The following WRN variants were observed in gnomAD, a reference collection of about 807,000 sequenced individuals.
WRN encodes WRN RecQ like helicase, also known as bifunctional 3'-5' exonuclease/ATP-dependent helicase WRN.
WRN carries 149 observed loss-of-function variants against 180.7 expected under a neutral mutation model. The ratio of observed to expected loss-of-function variants is 0.82; its 90% CI spans 0.72 to 0.94. WRN has a LOEUF of 0.94. Among genes scored for constraint, WRN ranks in the 40% least tolerant of loss-of-function variants. The pLI is 0.00. For missense variants in WRN, 1,661 were observed against 1,700.1 expected (o/e 0.98, Z 0.40); for synonymous variants, 548 against 568.9 (o/e 0.96, Z 0.52).
chr8:31,093,391 G>T (rs1393722592), intron 16 of WRN, among the ~76,000 whole-genome samples: 2 of 152,038 alleles, frequency 1.3e-5, no homozygotes, highest in African/African-American at 4.8e-5. Context: ...GTGAACCACC[G>T]CACCTGATGC....
chr8:31,085,146 C>T lies in WRN; in HGVS notation c.1351-20C>T. 1 of 1,610,494 alleles carries T rather than the reference C, an allele frequency of 6.2e-7. No homozygotes were observed. On this transcript the variant is annotated intron_variant, in intron 10 of 34. Transcript: ENST00000298139. ...AAGTCAATTATATTGGAAATTAATG[C>T]TTAATACTTTTTTTTAAAGCATTTA...
intron 7 of WRN, among the ~76,000 whole-genome samples, chr8:31,074,147 G>A (rs900814884): frequency 4.0e-5 from 6 of 150,816 alleles, no homozygotes; most frequent in Non-Finnish European, 8.9e-5. Context: ...GGTTGGTCTC[G>A]ATCTCCTGAC....
intron 18 of WRN, among the ~76,000 whole-genome samples, chr8:31,101,585 G>A (rs1800859405): frequency 6.6e-6 from 1 of 151,794 alleles, no homozygotes; most frequent in South Asian, 2.1e-4. Context: ...TCAGGAGTTC[G>A]AGACCAGCCT....
chr8:31,174,788 T>TCCCTCC lies in WRN; in HGVS notation c.*1690_*1691insCCCCCT, dbSNP rs1804216525. Among the ~76,000 whole-genome samples the TCCCTCC allele has an allele frequency of 3.1e-5, 2 of 65,570 alleles. No individual in the cohort carries two copies. Among genetic ancestry groups the TCCCTCC allele is most frequent in the African/African-American group, 9.0e-5 (2 of 22,264 alleles). The allele number at this position is 65,570 out of a possible 152,430, so 43.0% of individuals were successfully genotyped here. On this transcript the variant is annotated 3_prime_UTR_variant, in exon 35 of 35. Transcript: ENST00000298139. ...TCTTTCTCTCTTTCCTTCCTTCCCT[T>TCCCTCC]CCCTTCCCCTTCCTTCCTTCCTTCC...
chr8:31,077,522 G>A (rs574241739), intron 8 of WRN, among the ~76,000 whole-genome samples: 6 of 152,154 alleles, frequency 3.9e-5, no homozygotes, highest in Admixed American at 3.3e-4. Flanking sequence ...GATTACAGGC[G>A]TTAGCCACCG....
At chr8:31,163,509 C>T (rs1803718040) in intron 33 of WRN, among the ~76,000 whole-genome samples, 1 of 151,360 alleles carries the variant, frequency 6.6e-6, no homozygotes, top group African/African-American at 2.5e-5. Flanking sequence ...TAAAGTTGTA[C>T]TGCCAATTAA....
At chr8:31,098,427 C>A (rs182691404) in intron 17 of WRN, among the ~76,000 whole-genome samples, 36 of 152,018 alleles carry the variant, frequency 2.4e-4, no homozygotes, top group South Asian at 4.1e-4. Flanking sequence ...GTAGTTAGAA[C>A]TCTCTATTTT....
intron 5 of WRN, among the ~76,000 whole-genome samples, chr8:31,066,199 T>G (rs902416577): frequency 3.3e-5 from 5 of 151,670 alleles, no homozygotes; most frequent in South Asian, 2.1e-4. Flanking sequence ...TCTTTTTTTC[T>G]TTTTGAGACA....
intron 11 of WRN, among the ~76,000 whole-genome samples, chr8:31,087,392 T>A (rs1813573460): frequency 6.6e-6 from 1 of 152,232 alleles, no homozygotes; most frequent in African/African-American, 2.4e-5. Flanking sequence ...TGACACATGA[T>A]ATAGAGAAAC....
intron 3 of WRN, among the ~76,000 whole-genome samples, chr8:31,060,641 T>C (rs1812454091): frequency 6.6e-6 from 1 of 152,216 alleles, no homozygotes; most frequent in Non-Finnish European, 1.5e-5. Flanking sequence ...CAAGTGTTTT[T>C]ACTTTTACTA....
intron 17 of WRN, among the ~76,000 whole-genome samples, chr8:31,098,431 CTA>C (rs1396494631): frequency 6.6e-6 from 1 of 151,986 alleles, no homozygotes; most frequent in Admixed American, 6.5e-5. Context: ...TTAGAACTCT[CTA>C]TTTTTGTTTT....
chr8:31,154,892 T>G, intron 32 of WRN, 137 bp downstream of exon 32: 1 of 1,183,382 alleles, frequency 8.5e-7, no homozygotes, highest in South Asian at 1.5e-5. Flanking sequence ...ATCTTTAATT[T>G]TAAAAGAGAA....
chr8:31,043,639 T>C (rs1811739131), intron 1 of WRN, among the ~76,000 whole-genome samples: 1 of 152,196 alleles, frequency 6.6e-6, no homozygotes, highest in Admixed American at 6.5e-5. Flanking sequence ...GGACTCCAAT[T>C]TGAAAAAATA....
At chr8:31,138,901 G>C (rs1802499911) in intron 24 of WRN, among the ~76,000 whole-genome samples, 2 of 152,000 alleles carry the variant, frequency 1.3e-5, no homozygotes. Flanking sequence ...TTTCATCCTA[G>C]CTTCCTTTTT....
At chr8:31,080,386 G>A (rs918347136) in intron 8 of WRN, among the ~76,000 whole-genome samples, 9 of 151,580 alleles carry the variant, frequency 5.9e-5, no homozygotes, top group African/African-American at 9.7e-5. Context: ...ATCTGAGTGC[G>A]GAGTCCTAGG....
At position 31,059,185 on chromosome 8, in the gene WRN, C is replaced by T. The variant is rs201590676; in HGVS notation, c.129C>T (p.Asp43=). Residue 43 remains aspartate (D), a synonymous_variant, in exon 3 of 35, where the codon GAC becomes GAT. Coordinates refer to ENST00000298139, the MANE Select transcript of WRN (RefSeq NM_000553.6). ...ACVRKSVFED[D]LPFLEFTGSI... ...TTCGGAAGAGTGTTTTTGAAGATGA[C>T]CTCCCCTTCTTAGAATTCACTGGAT... The T allele has an allele frequency of 6.2e-7, 1 of 1,613,614 alleles. No individual in the cohort carries two copies. The highest frequency in any genetic ancestry group is 1.3e-5 in the African/African-American group (1 of 74,862).
intron 17 of WRN, 41 bp downstream of exon 17, chr8:31,096,891 T>A: frequency 6.4e-7 from 1 of 1,551,986 alleles, no homozygotes; most frequent in Non-Finnish European, 8.9e-7. Context: ...CTTACTGAGT[T>A]AATATTTAAA....
At position 31,055,673 on chromosome 8, in the gene WRN, C is replaced by T. The variant is rs1812245312; in HGVS notation, c.-76-2699C>T. On this transcript the variant is annotated intron_variant, in intron 1 of 34. Transcript: ENST00000298139. ...GTAGATTCTGGATATAGACCTTTGT[C>T]AGCTGGATAGATTGCAAAAATTTTC... 2.0e-5 allele frequency among the ~76,000 whole-genome samples: 3 copies of T among 151,466 alleles called. No homozygotes were observed. In the South Asian group the frequency reaches 6.3e-4, roughly 32 times the overall value.
At chr8:31,141,291 C>A in intron 24 of WRN, 139 bp from the exon 25 acceptor site, 1 of 996,810 alleles carries the variant, frequency 1.0e-6, no homozygotes, top group Non-Finnish European at 1.5e-6. Context: ...AGAATGAGCA[C>A]GATGGGTATA....
Sources: allele counts gnomAD v4.1 joint callset (sites outside exome capture counted in the v4.1 genomes callset), GRCh38; gene constraint gnomAD v4.1.1; transcripts MANE v1.5; gene names NCBI Gene and HGNC (gene_info 2026-07-23, HGNC 2026-07-21).